Variants in CTNNA2 observed in about 807,000 individuals in gnomAD.
The protein encoded by CTNNA2 is catenin alpha-2.
In CTNNA2, 42 loss-of-function variants were observed where a neutral mutation model predicts 101.0. That is an observed-to-expected ratio of 0.42 (90% CI 0.32 to 0.54). The LOEUF is 0.54. Ranked by LOEUF, CTNNA2 falls within the 20% of genes least tolerant of loss-of-function variation. The probability of loss-of-function intolerance (pLI) is 0.14; values close to 1 mark genes in which losing one functional copy is unlikely to be tolerated. For synonymous variants in CTNNA2, 450 were observed against 456.4 expected (o/e 0.99, Z 0.18); for missense variants, 871 against 1,223.1 (o/e 0.71, Z 4.29).
chr2:79,673,356 C>T (rs545536559), intron 2 of CTNNA2, among the ~76,000 whole-genome samples: 12 of 152,016 alleles, frequency 7.9e-5, no homozygotes, highest in Non-Finnish European at 1.5e-4. Flanking sequence ...TTAAAGTGAA[C>T]GGTTACCTTT....
At chr2:80,236,956 G>T (rs1248585664) in intron 7 of CTNNA2, among the ~76,000 whole-genome samples, 1 of 152,138 alleles carries the variant, frequency 6.6e-6, no homozygotes, top group Non-Finnish European at 1.5e-5. Flanking sequence ...GCAAAGAGAA[G>T]GAAGCTTTTT....
At chr2:79,446,871 G>T (rs1332675901) in intron 4 of CTNNA2, among the ~76,000 whole-genome samples, 1 of 151,922 alleles carries the variant, frequency 6.6e-6, no homozygotes, top group African/African-American at 2.4e-5. Context: ...AGTGCTGTTT[G>T]GTTTCCTCTA....
chr2:79,188,350 C>A (rs867851458), intron 1 of CTNNA2, among the ~76,000 whole-genome samples: 3 of 152,122 alleles, frequency 2.0e-5, no homozygotes, highest in Admixed American at 2.0e-4. Context: ...TCTGCTTCGA[C>A]CTCCAATCAT....
At chr2:79,931,536 T>C (rs1360153302) in intron 7 of CTNNA2, among the ~76,000 whole-genome samples, 1 of 152,208 alleles carries the variant, frequency 6.6e-6, no homozygotes, top group Non-Finnish European at 1.5e-5. Flanking sequence ...GTCTGTAAGC[T>C]ATTTGTTACT....
At chr2:79,702,160 G>A (rs959511535) in intron 2 of CTNNA2, among the ~76,000 whole-genome samples, 5 of 151,906 alleles carry the variant, frequency 3.3e-5, no homozygotes, top group Admixed American at 1.3e-4. Flanking sequence ...GTCGGGGGTT[G>A]CAGTGCAAAC....
Position 79,638,272 on chromosome 2 carries a change from A to G in CTNNA2, c.-5-13280A>G, listed in dbSNP as rs897874964. 3.9e-4 allele frequency among the ~76,000 whole-genome samples: 60 copies of G among 152,192 alleles called. 1 individual carries two copies. Among genetic ancestry groups the G allele is most frequent in the Non-Finnish European group, 1.5e-5 (1 of 68,032 alleles). On this transcript the variant is annotated intron_variant, in intron 1 of 18. Transcript: ENST00000402739. Reference sequence around the variant, plus strand: ...TAAAGCCATGTAGATTCATTTTTTTATATTTACAGAAGCATATTACCTGAG... The same window carrying G: ...TAAAGCCATGTAGATTCATTTTTTTGTATTTACAGAAGCATATTACCTGAG...
intron 2 of CTNNA2, among the ~76,000 whole-genome samples, chr2:79,291,496 G>T (rs185260584): frequency 1.3e-5 from 2 of 152,238 alleles, no homozygotes; most frequent in African/African-American, 4.8e-5. Context: ...ACCCCAAATT[G>T]CCAGGCATCC....
chr2:79,607,755 G>A (rs1389702371), intron 1 of CTNNA2, among the ~76,000 whole-genome samples: 2 of 152,024 alleles, frequency 1.3e-5, no homozygotes. Context: ...ACATTTCTGG[G>A]ATGCTTCTGA....
chr2:80,575,326 A>C (rs969672732), intron 13 of CTNNA2: 1 of 152,166 alleles, frequency 6.6e-6, no homozygotes, highest in Non-Finnish European at 1.5e-5. Context: ...AATTTTAAAA[A>C]TTTATTTAAC....
chr2:79,774,708 A>G (rs1231649959), intron 3 of CTNNA2, among the ~76,000 whole-genome samples: 9 of 152,188 alleles, frequency 5.9e-5, no homozygotes, highest in Non-Finnish European at 4.4e-5. Context: ...TCCACAAAAC[A>G]GGGTGGTAAG....
intron 3 of CTNNA2, among the ~76,000 whole-genome samples, chr2:79,823,782 AG>A (rs1218729425): frequency 6.6e-6 from 1 of 152,112 alleles, no homozygotes; most frequent in Non-Finnish European, 1.5e-5. Flanking sequence ...TAAAAAATAA[AG>A]GTTTTTTTTG....
Position 79,711,816 on chromosome 2 carries a change from G to A in CTNNA2, c.103-32571G>A, listed in dbSNP as rs190343465. ...GAGCAGCTACAGACAATATGTAAACGAATAGGTGTGACTGTGTTCCCATAT... is the reference window on the plus strand; with the variant it reads ...GAGCAGCTACAGACAATATGTAAACAAATAGGTGTGACTGTGTTCCCATAT... On this transcript the variant is annotated intron_variant, in intron 2 of 18. Transcript: ENST00000402739. Among the ~76,000 whole-genome samples, 625 of 152,200 alleles carry A rather than the reference G, an allele frequency of 4.1e-3. 11 individuals are homozygous for A. The highest frequency in any genetic ancestry group is 0.023 in the South Asian group (109 of 4,824).
intron 3 of CTNNA2, among the ~76,000 whole-genome samples, chr2:79,334,956 C>T (rs1197368325): frequency 1.3e-5 from 2 of 152,158 alleles, no homozygotes; most frequent in South Asian, 2.1e-4. Context: ...AGGCCCTCTC[C>T]CATATTTTCT....
At chr2:80,318,821 G>A (rs185072136) in intron 7 of CTNNA2, among the ~76,000 whole-genome samples, 1 of 152,254 alleles carries the variant, frequency 6.6e-6, no homozygotes, top group African/African-American at 2.4e-5. Flanking sequence ...CAAGCCCGTA[G>A]AGCAATGCAG....
At chr2:79,659,388 A>C (rs978662627) in intron 2 of CTNNA2, among the ~76,000 whole-genome samples, 4 of 152,088 alleles carry the variant, frequency 2.6e-5, no homozygotes, top group Admixed American at 1.3e-4. Context: ...TTCATGGTTT[A>C]TTCATGATAT....
chr2:79,306,570 A>ACAGG lies in CTNNA2; in HGVS notation c.-405-6137_-405-6134dup, dbSNP rs374875100. Among the ~76,000 whole-genome samples, 21 of 152,370 alleles carry ACAGG rather than the reference A, an allele frequency of 1.4e-4. 1 individual carries two copies. Among genetic ancestry groups the ACAGG allele is most frequent in the African/African-American group, 5.0e-4 (21 of 41,600 alleles). ...CTAATATAACACACTTTTGGTGGAC[A>ACAGG]CAGGCTGTTTTAAATTTTAGGTATT... On this transcript the variant is annotated intron_variant, in intron 2 of 21. Transcript: ENST00000466387.
intron 18 of CTNNA2, among the ~76,000 whole-genome samples, chr2:80,623,983 TTAAATA>T (rs1671410086): frequency 7.4e-6 from 1 of 134,758 alleles, no homozygotes; most frequent in Non-Finnish European, 1.7e-5. Flanking sequence ...AAGATGGTTA[TTAAATA>T]TAAATAATCA....
rs771058165 is a variant in CTNNA2, at chr2:80,647,561, T to G, written c.2575-24T>G. 1.2e-5 allele frequency: 19 copies of G among 1,575,670 alleles called. 1 individual carries two copies. In the South Asian group the frequency reaches 2.1e-4, roughly 18 times the overall value. ...TTTGGGGCCTCCATTAACCCACATG[T>G]ATCTCATTCTTTTCCTACTCTAGCT... On this transcript the variant is annotated intron_variant, in intron 18 of 18. Transcript: ENST00000402739.
At chr2:80,548,055 A>T (rs557082871) in intron 11 of CTNNA2, among the ~76,000 whole-genome samples, 248 of 152,244 alleles carry the variant, frequency 1.6e-3, no homozygotes, top group African/African-American at 5.8e-3. Flanking sequence ...CTTGTAAAAG[A>T]TACCTCCACA....
Sources: gnomAD v4.1 joint callset for allele counts (sites outside exome capture counted in the v4.1 genomes callset) on GRCh38, gnomAD v4.1.1 for gene constraint, MANE v1.5 for transcripts, NCBI Gene and HGNC (gene_info 2026-07-23, HGNC 2026-07-21) for gene names.